CSMD2: variants seen among roughly 807,000 people sequenced by gnomAD.
CSMD2 encodes the protein CUB and Sushi multiple domains 2.
A neutral mutation model predicts 398.5 loss-of-function variants in CSMD2; 130 were observed. That is an observed-to-expected ratio of 0.33 (90% confidence interval 0.28 to 0.38). CSMD2 has a LOEUF of 0.38. CSMD2 is among the 10% of genes least tolerant of loss of function. CSMD2 has a pLI of 1.00. For synonymous variants in CSMD2, 1,828 were observed against 1,908.5 expected (o/e 0.96, Z 1.10); for missense variants, 3,829 against 4,764.9 (o/e 0.80, Z 5.78).
chr1:34,138,231 G>A (rs527944359), intron 1 of CSMD2, among the ~76,000 whole-genome samples: 2 of 152,276 alleles, frequency 1.3e-5, no homozygotes, highest in South Asian at 4.1e-4. Context: ...CCAGATCAAG[G>A]TTTTAAGGGT....
At chr1:34,000,713 C>A (rs1345590537) in intron 3 of CSMD2, among the ~76,000 whole-genome samples, 2 of 152,034 alleles carry the variant, frequency 1.3e-5, no homozygotes, top group Non-Finnish European at 2.9e-5. Context: ...AACACATAGA[C>A]CTCAGAGGGA....
intron 6 of CSMD2, among the ~76,000 whole-genome samples, chr1:33,830,308 C>A (rs1467464888): frequency 2.0e-5 from 3 of 152,184 alleles, no homozygotes; most frequent in African/African-American, 4.8e-5. Flanking sequence ...TCCTCTGAGA[C>A]AAAACTTCCA....
At position 33,918,243 on chromosome 1, in the gene CSMD2, G is replaced by A; in HGVS notation, c.771C>T (p.His257=). The change falls in exon 5 of 71, where the codon CAC becomes CAT. Residue 257 remains histidine, a synonymous_variant. Coordinates refer to ENST00000373381, the MANE Select transcript of CSMD2 (RefSeq NM_001281956.2). ...CATTGTTATGGTACTCCGAGGGGAA[G>A]TGGGGGCTGGAGATGATGCCACTCT... The part of the protein sequence containing the change: ...RGQSGIISSP[H]FPSEYHNNAD... 1.2e-6 allele frequency: 2 copies of A among 1,614,180 alleles called. No individual in the cohort carries two copies. The highest frequency in any genetic ancestry group is 1.7e-6 in the Non-Finnish European group (2 of 1,180,044).
rs143817072 is a variant in CSMD2 at position 34,122,847 on chromosome 1, C to T, written c.188-33654G>A. ...CCCACTAGAGGGAGGATAGCCTGAT[C>T]CCCAAATGCCTTCCTAATCCCATCT... is the stretch of plus-strand genomic sequence containing the variant. On this transcript the variant is annotated intron_variant, in intron 1 of 70. Coordinates refer to ENST00000373381, the MANE Select transcript of CSMD2 (RefSeq NM_001281956.2). Among the ~76,000 whole-genome samples, 274 of 152,300 alleles carry T rather than the reference C, an allele frequency of 1.8e-3. 1 individual carries two copies. Among genetic ancestry groups the T allele is most frequent in the African/African-American group, 6.2e-3 (258 of 41,566 alleles).
rs1654038873 is a variant in CSMD2, at chr1:33,519,368, A to G, written c.*53+97T>C. The G allele has an allele frequency of 2.9e-6, 2 of 694,424 alleles. No individual in the cohort carries two copies. Among genetic ancestry groups the G allele is most frequent in the African/African-American group, 1.8e-5 (1 of 55,914 alleles). The allele number at this position is 694,424 out of a possible 1,614,324, so 43.0% of individuals were successfully genotyped here. ...AGCTCTCCTCTTACTGGGTGTGTCTATGTGGTGTGTGCGACTCCGTTGGGT... is the reference window on the plus strand; with the variant it reads ...AGCTCTCCTCTTACTGGGTGTGTCTGTGTGGTGTGTGCGACTCCGTTGGGT... On this transcript the variant is annotated intron_variant, in intron 70 of 70. Transcript: ENST00000373381. This position sits in a 1 kb window ranked among gnomAD's most constrained non-coding sequence, Gnocchi z 5.6.
intron 12 of CSMD2, among the ~76,000 whole-genome samples, chr1:33,782,794 AC>A (rs1227561645): frequency 6.6e-6 from 1 of 152,260 alleles, no homozygotes; most frequent in Non-Finnish European, 1.5e-5. Flanking sequence ...AGAAACCAGA[AC>A]TTGGTGGAAT....
intron 3 of CSMD2, among the ~76,000 whole-genome samples, chr1:33,993,388 C>T (rs376331790): frequency 6.6e-6 from 1 of 152,200 alleles, no homozygotes; most frequent in Admixed American, 6.5e-5. Flanking sequence ...CTGTCCATCT[C>T]ATTCCACTAA....
At chr1:33,541,336 T>A (rs2148596045) in intron 58 of CSMD2, 27 bp from the exon 59 acceptor site, 1 of 1,596,368 alleles carries the variant, frequency 6.3e-7, no homozygotes, top group East Asian at 2.2e-5. Context: ...ATAGCATTGT[T>A]CACTCCTGGC....
chr1:34,065,778 C>G (rs1655045163), intron 2 of CSMD2, among the ~76,000 whole-genome samples: 1 of 152,148 alleles, frequency 6.6e-6, no homozygotes, highest in African/African-American at 2.4e-5. Flanking sequence ...TATGCACAAC[C>G]TCTAAATCAT....
chr1:33,759,226 G>A (rs1334739106), intron 13 of CSMD2, among the ~76,000 whole-genome samples: 3 of 152,102 alleles, frequency 2.0e-5, no homozygotes, highest in African/African-American at 7.2e-5. Context: ...AGGCATTGAG[G>A]TAGGCAAGAG....
rs3043318 is a variant in CSMD2 at position 33,518,389 on chromosome 1, ATGTGTG to A, written c.*53+1070_*53+1075del. Among the ~76,000 whole-genome samples, 1 of 150,526 alleles carries A rather than the reference ATGTGTG, an allele frequency of 6.6e-6. No individual in the cohort carries two copies. The highest frequency in any genetic ancestry group is 1.5e-5 in the Non-Finnish European group (1 of 67,562). ...TGCATGCCTGTGTGCATGTATGCGTATGTGTGTGTGTGTGTGTGCATGACCGTGTAC... is the reference window on the plus strand; with the variant it reads ...TGCATGCCTGTGTGCATGTATGCGTATGTGTGTGTGTGCATGACCGTGTAC... On this transcript the variant is annotated intron_variant, in intron 70 of 70. Coordinates refer to ENST00000373381, the MANE Select transcript of CSMD2 (RefSeq NM_001281956.2). The surrounding 1 kb of genome is among the most constrained non-coding windows in gnomAD (Gnocchi z 4.3).
At chr1:34,084,947 A>T (rs1430472513) in intron 2 of CSMD2, among the ~76,000 whole-genome samples, 1 of 152,224 alleles carries the variant, frequency 6.6e-6, no homozygotes, top group African/African-American at 2.4e-5. Context: ...TTATTGCAGC[A>T]CTATTCATAA....
At chr1:33,553,886 A>G (rs1401432054) in intron 55 of CSMD2, among the ~76,000 whole-genome samples, 2 of 152,168 alleles carry the variant, frequency 1.3e-5, no homozygotes, top group Non-Finnish European at 2.9e-5. Flanking sequence ...AGATCTGGAC[A>G]GAAGATCAAA....
rs112124300 is a variant in CSMD2, at chr1:33,905,617, G to A, written c.920+12477C>T. ...TAGCTGAGTGGGATGGAGTAATAGG[G>A]GTTTGATGGGTGCTGTTTTTATTTT... On this transcript the variant is annotated intron_variant, in intron 5 of 70. Coordinates refer to ENST00000373381, the MANE Select transcript of CSMD2 (RefSeq NM_001281956.2). 2.5e-3 allele frequency among the ~76,000 whole-genome samples: 375 copies of A among 152,300 alleles called. 1 individual carries two copies. Among genetic ancestry groups the A allele is most frequent in the African/African-American group, 7.7e-3 (321 of 41,558 alleles).
chr1:33,849,562 T>C (rs1638548534), intron 5 of CSMD2, among the ~76,000 whole-genome samples: 1 of 152,184 alleles, frequency 6.6e-6, no homozygotes, highest in African/African-American at 2.4e-5. Flanking sequence ...GGAAATGTCT[T>C]ACATCTCAAA....
intron 2 of CSMD2, among the ~76,000 whole-genome samples, chr1:34,066,724 T>C (rs1570987958): frequency 1.3e-5 from 2 of 151,214 alleles, no homozygotes; most frequent in Admixed American, 1.3e-4. Flanking sequence ...AGCCAGGGGG[T>C]TGGGTACACT....
intron 6 of CSMD2, among the ~76,000 whole-genome samples, chr1:33,832,137 G>C: frequency 7.9e-6 from 1 of 126,298 alleles, no homozygotes; most frequent in South Asian, 3.2e-4. Context: ...CCCAGGAATT[G>C]AACTCAGCTC....
chr1:33,854,051 C>A (rs1638900856), intron 5 of CSMD2, among the ~76,000 whole-genome samples: 1 of 152,190 alleles, frequency 6.6e-6, no homozygotes. Flanking sequence ...TACCTTCTTG[C>A]CAAATTCTCT....
intron 12 of CSMD2, among the ~76,000 whole-genome samples, chr1:33,774,125 G>A (rs1319059237): frequency 1.3e-5 from 2 of 149,866 alleles, no homozygotes; most frequent in African/African-American, 2.5e-5. Context: ...GTGTGTGTGT[G>A]TGTGTGTGTG....
Sources: allele counts gnomAD v4.1 joint callset (sites outside exome capture counted in the v4.1 genomes callset), GRCh38; gene constraint gnomAD v4.1.1; non-coding constraint Gnocchi (gnomAD v3.1); transcripts MANE v1.5; gene names NCBI Gene and HGNC (gene_info 2026-07-23, HGNC 2026-07-21).